The following VPS41 variants were observed in gnomAD, a reference collection of about 807,000 sequenced individuals.
The protein encoded by VPS41 is VPS41 subunit of HOPS complex, also known as vacuolar protein sorting-associated protein 41 homolog.
Under a neutral mutation model 130.9 loss-of-function variants are expected in VPS41, and 85 were observed. The observed-to-expected ratio is 0.65, with a 90% CI of 0.55 to 0.78. The LOEUF is 0.78. Among genes scored for constraint, VPS41 ranks in the 30% least tolerant of loss-of-function variants. The pLI is 0.00. For synonymous variants in VPS41, 335 were observed against 332.9 expected (o/e 1.01, Z -0.07); for missense variants, 874 against 1,018.7 (o/e 0.86, Z 1.93).
intron 4 of VPS41, among the ~76,000 whole-genome samples, chr7:38,831,571 T>C (rs1430966976): frequency 6.6e-6 from 1 of 152,262 alleles, no homozygotes; most frequent in Non-Finnish European, 1.5e-5. Context: ...TTACACTTAG[T>C]AGATTTTCCT....
Position 38,821,333 on chromosome 7 carries a change from A to G in VPS41, c.322-68T>C, listed in dbSNP as rs56002981. On this transcript the variant is annotated intron_variant, in intron 5 of 28. Transcript: ENST00000310301. ...AGAGAAGGCTACTGAGTCAGTATGA[A>G]CACATACTATCAATAAGAAAAGTAG... 233,179 of 1,023,168 alleles carry G rather than the reference A, an allele frequency of 0.23. 30,188 individuals carry two copies. Among genetic ancestry groups the G allele is most frequent in the South Asian group, 0.43 (32,714 of 75,272 alleles). 63.4% of individuals were successfully genotyped at this position (1,023,168 alleles called of 1,614,324 possible). A position where few individuals can be genotyped will look rare whatever the true frequency, so the allele number is the denominator to read the frequency against.
chr7:38,774,064 GA>G lies in VPS41; in HGVS notation c.1012+50del, dbSNP rs112788424. On this transcript the variant is annotated intron_variant, in intron 12 of 28. Coordinates refer to ENST00000310301, the MANE Select transcript of VPS41 (RefSeq NM_014396.4). ...TCCATTTATTGCAAGTAGGAAGGGGGAGAAAAAAACATTAAAAAAGCATATC... is the reference window on the plus strand; with the variant it reads ...TCCATTTATTGCAAGTAGGAAGGGGGGAAAAAAACATTAAAAAAGCATATC... The G allele has an allele frequency of 9.4e-3, 13,933 of 1,486,020 alleles. 1,060 individuals carry two copies. The African/African-American group carries it at 0.17, about 18-fold the overall frequency. 92.1% of individuals were successfully genotyped at this position (1,486,020 alleles called of 1,614,324 possible).
At chr7:38,848,573 G>A (rs1253142218) in intron 4 of VPS41, among the ~76,000 whole-genome samples, 1 of 152,116 alleles carries the variant, frequency 6.6e-6, no homozygotes, top group Non-Finnish European at 1.5e-5. Flanking sequence ...AACGACTAAT[G>A]TTTACTAAGC....
At chr7:38,897,602 G>A (rs1337413838) in intron 2 of VPS41, among the ~76,000 whole-genome samples, 3 of 140,704 alleles carry the variant, frequency 2.1e-5, no homozygotes, top group African/African-American at 8.1e-5. Flanking sequence ...CCGAGATGGA[G>A]CCACTACACT....
At chr7:38,796,919 G>A (rs1784632466) in intron 7 of VPS41, 55 bp from the exon 8 acceptor site, 2 of 1,604,422 alleles carry the variant, frequency 1.2e-6, no homozygotes. Flanking sequence ...AATGTATCAG[G>A]TTCTTTACTT....
chr7:38,794,600 G>A (rs1229744800), intron 9 of VPS41, among the ~76,000 whole-genome samples: 1 of 152,128 alleles, frequency 6.6e-6, no homozygotes, highest in East Asian at 1.9e-4. Context: ...AACTTGTGAT[G>A]TGAGAACAAT....
At chr7:38,858,713 T>C (rs1430730529) in intron 4 of VPS41, among the ~76,000 whole-genome samples, 2 of 152,206 alleles carry the variant, frequency 1.3e-5, no homozygotes, top group African/African-American at 2.4e-5. Context: ...TCTGTGATGA[T>C]GCTAGTGTAA....
intron 2 of VPS41, among the ~76,000 whole-genome samples, chr7:38,881,427 C>A (rs761516971): frequency 2.0e-5 from 3 of 152,188 alleles, no homozygotes; most frequent in African/African-American, 7.2e-5. Flanking sequence ...TGATTAGCAA[C>A]CTTAATTTTC....
chr7:38,878,726 CT>C lies in VPS41; in HGVS notation c.61-9474del, dbSNP rs550368335. 3.3e-3 allele frequency among the ~76,000 whole-genome samples: 499 copies of C among 152,282 alleles called. 2 individuals carry two copies. The highest frequency in any genetic ancestry group is 4.9e-3 in the Non-Finnish European group (335 of 68,026). On this transcript the variant is annotated intron_variant, in intron 2 of 28. Coordinates refer to ENST00000310301, the MANE Select transcript of VPS41 (RefSeq NM_014396.4). ...CAGACAGCATTTATAAAGTTCAACACTTGTTTCTGATCTTAAAAAAGCTTTC... is the reference window on the plus strand; with the variant it reads ...CAGACAGCATTTATAAAGTTCAACACTGTTTCTGATCTTAAAAAAGCTTTC...
At chr7:38,757,665 G>T (rs1048653508) in intron 18 of VPS41, among the ~76,000 whole-genome samples, 13 of 151,894 alleles carry the variant, frequency 8.6e-5, no homozygotes, top group African/African-American at 2.7e-4. Flanking sequence ...TACCTTTTTT[G>T]GTTTTGGGCA....
intron 7 of VPS41, among the ~76,000 whole-genome samples, chr7:38,800,197 T>C (rs993173740): frequency 6.6e-6 from 1 of 152,198 alleles, no homozygotes; most frequent in Non-Finnish European, 1.5e-5. Context: ...TGAGTATGTA[T>C]CCATTATTAT....
chr7:38,860,941 T>C (rs1179784939), intron 4 of VPS41, among the ~76,000 whole-genome samples: 1 of 152,066 alleles, frequency 6.6e-6, no homozygotes, highest in Non-Finnish European at 1.5e-5. Flanking sequence ...CACCAAACTA[T>C]CTTCCTCCCT....
At chr7:38,760,563 T>TATTC (rs1428894384) in intron 17 of VPS41, among the ~76,000 whole-genome samples, 1 of 130,650 alleles carries the variant, frequency 7.7e-6, no homozygotes, top group Non-Finnish European at 1.7e-5. Context: ...TCCCCCTACT[T>TATTC]ATTTATTTAT....
At chr7:38,750,873 A>G (rs10232480) in intron 22 of VPS41, among the ~76,000 whole-genome samples, 54,870 of 152,086 alleles carry the variant, frequency 0.36, 10,473 homozygotes, top group Admixed American at 0.56. Context: ...AGACTGCCAC[A>G]TCCTCTCTGA....
intron 4 of VPS41, among the ~76,000 whole-genome samples, chr7:38,840,201 T>C (rs1201301096): frequency 6.6e-6 from 1 of 152,214 alleles, no homozygotes; most frequent in Non-Finnish European, 1.5e-5. Flanking sequence ...CCCTCAGCAT[T>C]GACAACAACG....
intron 25 of VPS41, among the ~76,000 whole-genome samples, chr7:38,736,596 G>A (rs1471715429): frequency 6.6e-6 from 1 of 152,220 alleles, no homozygotes; most frequent in Non-Finnish European, 1.5e-5. Context: ...TACAATGAAT[G>A]CATCTCCAGA....
At chr7:38,876,593 T>C (rs1584440554) in intron 2 of VPS41, among the ~76,000 whole-genome samples, 1 of 152,184 alleles carries the variant, frequency 6.6e-6, no homozygotes, top group Admixed American at 6.5e-5. Context: ...AACAAACATA[T>C]TTATTATAAA....
chr7:38,872,067 A>G (rs1437646071), intron 2 of VPS41, among the ~76,000 whole-genome samples: 1 of 152,206 alleles, frequency 6.6e-6, no homozygotes, highest in Non-Finnish European at 1.5e-5. Flanking sequence ...AGGACTTCTC[A>G]CGGCGTTGCA....
At chr7:38,738,253 C>T (rs951804798) in intron 25 of VPS41, among the ~76,000 whole-genome samples, 1 of 152,186 alleles carries the variant, frequency 6.6e-6, no homozygotes, top group African/African-American at 2.4e-5. Context: ...TTACTTGTGG[C>T]TGTAAAAGGT....
Sources: allele counts gnomAD v4.1 joint callset (sites outside exome capture counted in the v4.1 genomes callset), GRCh38; gene constraint gnomAD v4.1.1; transcripts MANE v1.5; gene names NCBI Gene and HGNC (gene_info 2026-07-23, HGNC 2026-07-21).